OXR1: variants seen among roughly 807,000 people sequenced by gnomAD.
The protein encoded by OXR1 is oxidation resistance protein 1.
In OXR1, 41 loss-of-function variants were observed where a neutral mutation model predicts 104.6. The observed-to-expected ratio is 0.39, with a 90% CI of 0.31 to 0.51. OXR1 has a LOEUF of 0.51. Ranked by LOEUF, OXR1 falls within the 20% of genes least tolerant of loss-of-function variation. The pLI, the probability that OXR1 is intolerant of heterozygous loss-of-function variation, is 0.77. For synonymous variants in OXR1, 348 were observed against 348.4 expected (o/e 1.00, Z 0.01); for missense variants, 955 against 1,031.9 (o/e 0.93, Z 1.02).
At chr8:106,626,052 G>C (rs1822128127) in intron 3 of OXR1, among the ~76,000 whole-genome samples, 1 of 151,322 alleles carries the variant, frequency 6.6e-6, no homozygotes, top group Non-Finnish European at 1.5e-5. Context: ...TTTTGTGTGT[G>C]TGTGTGTGTG....
intron 2 of OXR1, among the ~76,000 whole-genome samples, chr8:106,472,495 A>G (rs1044835837): frequency 6.6e-6 from 1 of 151,866 alleles, no homozygotes; most frequent in Non-Finnish European, 1.5e-5. Context: ...GGCTATGGTG[A>G]CAAGACATAG....
chr8:106,518,984 G>A lies in OXR1; in HGVS notation c.65G>A (p.Gly22Glu), dbSNP rs564765790. 144 of 1,551,454 alleles carry A rather than the reference G, an allele frequency of 9.3e-5. No homozygotes were observed. The highest frequency in any genetic ancestry group is 1.2e-4 in the Non-Finnish European group (141 of 1,146,926). ...CAGTCGGTGGATATTAATGCTCCAG[G>A]GTTCAACCCTTTGGCTGGTGCAGGA... ...KSQSVDINAP[G>E]FNPLAGAGKQ... Residue 22 changes from glycine to glutamate, a missense_variant, in exon 3 of 17, where the codon GGG (glycine) becomes GAG (glutamate). Gly to Glu is a moderately conservative substitution (Grantham distance 98). This residue lies in a region of OXR1 where 849 missense variants were observed against 852.9 expected (regional missense o/e 1.00). Transcript: ENST00000517566.
chr8:106,389,513 A>C (rs1030558925), intron 2 of OXR1, among the ~76,000 whole-genome samples: 2 of 152,188 alleles, frequency 1.3e-5, no homozygotes, highest in African/African-American at 4.8e-5. Flanking sequence ...ACACTTTAAA[A>C]TCCTTTTTCA....
chr8:106,461,285 A>C (rs1156515958), intron 2 of OXR1, among the ~76,000 whole-genome samples: 1 of 152,118 alleles, frequency 6.6e-6, no homozygotes, highest in East Asian at 1.9e-4. Flanking sequence ...TTCTAGAGAG[A>C]AATTCACCAG....
intron 3 of OXR1, among the ~76,000 whole-genome samples, chr8:106,600,789 C>T (rs13277536): frequency 0.21 from 31,466 of 152,068 alleles, 3,414 homozygotes; most frequent in East Asian, 0.41. Context: ...GAAGGGCCTG[C>T]TTGCCATTAG....
intron 1 of OXR1, among the ~76,000 whole-genome samples, chr8:106,291,262 A>G (rs1812739075): frequency 6.6e-6 from 1 of 152,168 alleles, no homozygotes; most frequent in Non-Finnish European, 1.5e-5. Flanking sequence ...AAACCTGGAA[A>G]CAGGAGACAC....
intron 1 of OXR1, among the ~76,000 whole-genome samples, chr8:106,306,706 C>G (rs1563707792): frequency 6.6e-6 from 1 of 152,078 alleles, no homozygotes; most frequent in Admixed American, 6.5e-5. Context: ...CTAGAACAGA[C>G]ATCAGAAGAG....
intron 11 of OXR1, among the ~76,000 whole-genome samples, chr8:106,725,033 G>A (rs1833188767): frequency 6.6e-6 from 1 of 152,160 alleles, no homozygotes; most frequent in Non-Finnish European, 1.5e-5. Flanking sequence ...TGATGGAGGG[G>A]TGGAGTGTGA....
intron 1 of OXR1, among the ~76,000 whole-genome samples, chr8:106,318,204 C>A (rs769597713): frequency 2.6e-5 from 4 of 152,012 alleles, no homozygotes; most frequent in Non-Finnish European, 5.9e-5. Context: ...TAAACACGTA[C>A]ACAAAAATGA....
chr8:106,578,309 A>T (rs1430903546), intron 3 of OXR1, among the ~76,000 whole-genome samples: 1 of 152,136 alleles, frequency 6.6e-6, no homozygotes, highest in African/African-American at 2.4e-5. Flanking sequence ...TAGTGTCATC[A>T]ACTTGATACC....
At chr8:106,463,867 A>G (rs987927195) in intron 2 of OXR1, among the ~76,000 whole-genome samples, 1 of 152,154 alleles carries the variant, frequency 6.6e-6, no homozygotes, top group African/African-American at 2.4e-5. Flanking sequence ...TGATTTAGAA[A>G]TAGGAAAACC....
At chr8:106,594,849 A>G (rs532072789) in intron 3 of OXR1, among the ~76,000 whole-genome samples, 19 of 152,316 alleles carry the variant, frequency 1.2e-4, no homozygotes, top group Non-Finnish European at 2.2e-4. Context: ...CCTTGTCTGT[A>G]AGGGCAAGTA....
At chr8:106,607,895 A>G (rs952722079) in intron 3 of OXR1, among the ~76,000 whole-genome samples, 3 of 151,958 alleles carry the variant, frequency 2.0e-5, no homozygotes, top group Non-Finnish European at 4.4e-5. Context: ...TATGTAGCAA[A>G]GAGTTCAGAC....
At chr8:106,663,369 A>G (rs1175827606) in intron 3 of OXR1, among the ~76,000 whole-genome samples, 2 of 152,242 alleles carry the variant, frequency 1.3e-5, no homozygotes, top group African/African-American at 4.8e-5. Flanking sequence ...AAGGTATTAA[A>G]GTTAAATTAG....
intron 11 of OXR1, among the ~76,000 whole-genome samples, chr8:106,714,841 G>A (rs1832075044): frequency 6.6e-6 from 1 of 152,092 alleles, no homozygotes; most frequent in Admixed American, 6.6e-5. Flanking sequence ...AACATGTATA[G>A]TAATTGAAGG....
At chr8:106,658,471 G>A (rs918420436) in intron 3 of OXR1, among the ~76,000 whole-genome samples, 1 of 152,208 alleles carries the variant, frequency 6.6e-6, no homozygotes, top group Admixed American at 6.5e-5. Context: ...ATTTCAAGGG[G>A]ACGATCCATT....
chr8:106,367,322 C>G (rs1816514252), intron 2 of OXR1, among the ~76,000 whole-genome samples: 1 of 152,012 alleles, frequency 6.6e-6, no homozygotes, highest in African/African-American at 2.4e-5. Context: ...CTTGGCCTCC[C>G]AAAGTGCTGG....
chr8:106,714,537 T>C (rs376064454), intron 11 of OXR1, among the ~76,000 whole-genome samples: 74 of 152,132 alleles, frequency 4.9e-4, no homozygotes, highest in African/African-American at 1.7e-3. Context: ...GTAGAAATTT[T>C]ATATGCTCAG....
Position 106,518,965 on chromosome 8 carries a change from G to A in OXR1, c.46G>A (p.Val16Met), listed in dbSNP as rs773391504. ...LSWLKKKSQSVDINAPGFNPL... is the reference protein window; with the variant it reads ...LSWLKKKSQSMDINAPGFNPL... Reference sequence around the variant, plus strand: ...TAGGCTGAAGAAAAAGTCCCAGTCGGTGGATATTAATGCTCCAGGGTTCAA... The same window carrying A: ...TAGGCTGAAGAAAAAGTCCCAGTCGATGGATATTAATGCTCCAGGGTTCAA... The change falls in exon 3 of 17, where the codon GTG becomes ATG. Residue 16 changes from valine to methionine, a missense_variant. By Grantham distance (21) the Val-to-Met change is conservative. Around this residue, in one of 2 missense-constraint regions of OXR1, gnomAD observed 849 missense variants for 852.9 expected, o/e 1.00. Coordinates refer to ENST00000517566, the MANE Select transcript of OXR1 (RefSeq NM_001198533.2). The A allele has an allele frequency of 1.1e-5, 17 of 1,551,146 alleles. No individual in the cohort carries two copies. In the South Asian group the frequency reaches 1.9e-4, roughly 17 times the overall value.
Sources: allele counts gnomAD v4.1 joint callset (sites outside exome capture counted in the v4.1 genomes callset), GRCh38; gene constraint gnomAD v4.1.1; regional missense constraint gnomAD v4.1.1; transcripts MANE v1.5; gene names NCBI Gene and HGNC (gene_info 2026-07-23, HGNC 2026-07-21).